LY96: variants seen among roughly 807,000 people sequenced by gnomAD.
The protein encoded by LY96 is lymphocyte antigen 96, also known as myeloid differentiation protein-2.
LY96 carries 18 observed loss-of-function variants against 18.9 expected under a neutral mutation model. The observed-to-expected ratio is 0.95, with a 90% confidence interval of 0.66 to 1.41. The LOEUF is 1.41. Ranked by LOEUF, LY96 falls within the 40% of genes most tolerant of loss-of-function variation. The probability of loss-of-function intolerance (pLI) is 0.00; values close to 1 mark genes in which losing one functional copy is unlikely to be tolerated. For missense variants in LY96, 175 were observed against 182.4 expected (o/e 0.96, Z 0.23); for synonymous variants, 66 against 62.6 (o/e 1.06, Z -0.26).
chr8:74,073,742 C>T, the LY96 span, among the ~76,000 whole-genome samples: 1 of 151,988 alleles, frequency 6.6e-6, no homozygotes, highest in African/African-American at 2.4e-5. Flanking sequence ...CAGCTCACTG[C>T]AACTTCTGCC....
chr8:74,055,145 C>A, the LY96 span, among the ~76,000 whole-genome samples: 1 of 152,084 alleles, frequency 6.6e-6, no homozygotes, highest in Admixed American at 6.6e-5. Flanking sequence ...TGGGCTCAAG[C>A]AATCTTCTCG....
At chr8:74,087,198 G>A in the LY96 span, among the ~76,000 whole-genome samples, 1 of 152,184 alleles carries the variant, frequency 6.6e-6, no homozygotes. Context: ...AGTTTATAGG[G>A]CAGTACAAAA....
At chr8:74,081,343 C>A in the LY96 span, among the ~76,000 whole-genome samples, 1 of 151,308 alleles carries the variant, frequency 6.6e-6, no homozygotes, top group South Asian at 2.1e-4. Context: ...GCAGCCTTGA[C>A]CTCCCTTGCT....
chr8:74,053,788 C>T, the LY96 span, among the ~76,000 whole-genome samples: 1 of 152,132 alleles, frequency 6.6e-6, no homozygotes, highest in East Asian at 1.9e-4. Flanking sequence ...GGAGGTAAGC[C>T]TTTTGGGAGG....
At chr8:74,081,045 T>A in the LY96 span, among the ~76,000 whole-genome samples, 1,103 of 124,238 alleles carry the variant, frequency 8.9e-3, 20 homozygotes, top group African/African-American at 0.026. Context: ...TTTCTTTCTT[T>A]CTTTTTCTTT....
the LY96 span, among the ~76,000 whole-genome samples, chr8:74,075,709 C>T: frequency 1.3e-5 from 2 of 151,994 alleles, no homozygotes; most frequent in Admixed American, 1.3e-4. Context: ...ATTAGTAATT[C>T]CTATTAGTGA....
At chr8:74,073,421 A>G in the LY96 span, among the ~76,000 whole-genome samples, 1 of 152,224 alleles carries the variant, frequency 6.6e-6, no homozygotes, top group Non-Finnish European at 1.5e-5. Context: ...TAGCCTGTGA[A>G]GTTAGAAGTC....
intron 1 of LY96, among the ~76,000 whole-genome samples, chr8:73,996,378 T>C (rs1413775466): frequency 7.8e-4 from 34 of 43,700 alleles, no homozygotes; most frequent in African/African-American, 1.2e-3. Context: ...CATTCCTTTC[T>C]TTCTTTCTTT....
chr8:74,014,031 T>C lies in LY96; in HGVS notation c.331+3902T>C, dbSNP rs1313388434. ...ATCCAGGAGGCTCTGTGAGAGACCA[T>C]GAGGGCTGAACGAGACGGCGGCCAG... On this transcript the variant is annotated intron_variant, in intron 3 of 4. Transcript: ENST00000284818. 4.0e-5 allele frequency among the ~76,000 whole-genome samples: 6 copies of C among 151,712 alleles called. No individual in the cohort carries two copies. In the East Asian group the frequency reaches 1.2e-3, roughly 29 times the overall value.
chr8:74,032,542 C>T (rs1816987640), downstream of LY96, among the ~76,000 whole-genome samples: 1 of 152,136 alleles, frequency 6.6e-6, no homozygotes, highest in South Asian at 2.1e-4. Context: ...TTACGCGGAC[C>T]CCCTTAGAGT....
At chr8:74,034,064 C>T (rs1295517203), downstream of LY96, among the ~76,000 whole-genome samples, 1 of 152,176 alleles carries the variant, frequency 6.6e-6, no homozygotes, top group South Asian at 2.1e-4. Context: ...TTTGCACATA[C>T]ATTGGTCTTA....
chr8:74,007,053 G>A (rs746419563), intron 2 of LY96, among the ~76,000 whole-genome samples: 31 of 152,328 alleles, frequency 2.0e-4, no homozygotes, highest in Non-Finnish European at 3.4e-4. Flanking sequence ...AATTAAGTAG[G>A]ATAATCCTCA....
chr8:74,024,586 G>T (rs1034988034), intron 3 of LY96, among the ~76,000 whole-genome samples: 1 of 151,926 alleles, frequency 6.6e-6, no homozygotes, highest in Non-Finnish European at 1.5e-5. Context: ...TATGAGATAC[G>T]TGTTATCGCC....
the LY96 span, among the ~76,000 whole-genome samples, chr8:74,057,946 C>A: frequency 6.6e-6 from 1 of 152,206 alleles, no homozygotes; most frequent in African/African-American, 2.4e-5. Flanking sequence ...AGGGTTCCAG[C>A]TAGAGGTGAA....
chr8:74,014,260 A>G (rs919727925), intron 3 of LY96, among the ~76,000 whole-genome samples: 1 of 151,484 alleles, frequency 6.6e-6, no homozygotes, highest in Admixed American at 6.6e-5. Context: ...GAAAAAAAAA[A>G]AAAATTAGCT....
the LY96 span, among the ~76,000 whole-genome samples, chr8:74,088,153 A>AGAATAGAAAAGAAT: frequency 2.0e-4 from 14 of 70,164 alleles, no homozygotes; most frequent in South Asian, 5.2e-3. Flanking sequence ...TAGAATAGAA[A>AGAATAGAAAAGAAT]AGAATAGAAA....
the LY96 span, among the ~76,000 whole-genome samples, chr8:74,096,296 C>T: frequency 6.6e-6 from 1 of 152,170 alleles, no homozygotes; most frequent in Non-Finnish European, 1.5e-5. Context: ...TGAGGCTCTG[C>T]ATGATCTGTC....
chr8:74,057,988 C>T, the LY96 span, among the ~76,000 whole-genome samples: 1 of 152,136 alleles, frequency 6.6e-6, no homozygotes, highest in African/African-American at 2.4e-5. Flanking sequence ...ATCCAGCCTG[C>T]CGTGATTACC....
the LY96 span, among the ~76,000 whole-genome samples, chr8:74,086,712 A>G: frequency 7.9e-5 from 12 of 152,162 alleles, no homozygotes; most frequent in Admixed American, 2.6e-4. Flanking sequence ...CTAATCACCA[A>G]TGTGATGCTT....
Sources: allele counts gnomAD v4.1 joint callset (sites outside exome capture counted in the v4.1 genomes callset), GRCh38; gene constraint gnomAD v4.1.1; transcripts MANE v1.5; gene names NCBI Gene and HGNC (gene_info 2026-07-23, HGNC 2026-07-21).